RBMX: variants seen among roughly 807,000 people sequenced by gnomAD.
RBMX encodes RNA binding motif protein X-linked.
A neutral mutation model predicts 29.3 loss-of-function variants in RBMX; 1 was observed. The observed-to-expected ratio is 0.03, with a 90% CI of 0.01 to 0.16. RBMX has a LOEUF of 0.16. RBMX is among the 10% of genes least tolerant of loss of function. RBMX has a pLI of 1.00. For missense variants in RBMX, 121 were observed against 333.2 expected, an observed-to-expected ratio of 0.36 and a Z score of 4.96; for synonymous variants, 102 against 102.3, an observed-to-expected ratio of 1.00 and a Z score of 0.02.
rs1840081719 is a variant in RBMX, at chrX:136,873,681, T to C, written c.*461A>G. On this transcript the variant is annotated 3_prime_UTR_variant, in exon 9 of 9. Coordinates refer to ENST00000320676, the MANE Select transcript of RBMX (RefSeq NM_002139.4). ...TTTCAGGTTTTTCGTACTGAGAACA[T>C]TGAGATTTCAGTTGGAAGACACCCT... 10 of 759,576 alleles carry C rather than the reference T, an allele frequency of 1.3e-5. No homozygotes were observed. Among genetic ancestry groups the C allele is most frequent in the Non-Finnish European group, 1.6e-5 (10 of 641,885 alleles). The allele number at this position is 759,576 out of a possible 1,213,427, so 62.6% of individuals were successfully genotyped here. A position where few individuals can be genotyped will look rare whatever the true frequency, so the allele number is the denominator to read the frequency against.
At chrX:136,876,934 G>A (rs896569048) in intron 4 of RBMX, among the ~76,000 whole-genome samples, 2 of 105,106 alleles carry the variant, frequency 1.9e-5, no homozygotes, top group Non-Finnish European at 3.9e-5. Context: ...GGCTGGTCTC[G>A]AACTCCTGAC....
Position 136,877,947 on chromosome X carries a change from G to C in RBMX, c.356C>G (p.Thr119Ser), listed in dbSNP as rs1350512844. The change falls in exon 4 of 9, where the codon ACC becomes AGC. Residue 119 changes from threonine to serine, a missense_variant. Around this residue, in one of 2 missense-constraint regions of RBMX, gnomAD observed 114 missense variants for 260.0 expected, o/e 0.44. Transcript: ENST00000320676. ...LRGGRGGSGG[T>S]RGPPSRGGHM... ...TCCTCCCCGTGAGGGAGGTCCCCTG[G>C]TTCCTCCACTTCCTCCTCTTCCACC... is the stretch of plus-strand genomic sequence containing the variant. 1 of 1,207,776 alleles carries C rather than the reference G, an allele frequency of 8.3e-7. No individual in the cohort carries two copies. The highest frequency in any genetic ancestry group is 1.1e-6 in the Non-Finnish European group (1 of 893,345).
At position 136,875,434 on chromosome X, in the gene RBMX, T is replaced by C. The variant is rs377315648; in HGVS notation, c.656+37A>G. On this transcript the variant is annotated intron_variant, in intron 6 of 8. Transcript: ENST00000320676. ...GCTTTTGATAAGCTTTCCTTCAACCTTAATTATTAATTTAAAAAGCTGCAC... is the reference window on the plus strand; with the variant it reads ...GCTTTTGATAAGCTTTCCTTCAACCCTAATTATTAATTTAAAAAGCTGCAC... The C allele has an allele frequency of 5.8e-6, 7 of 1,204,901 alleles. No individual in the cohort carries two copies. The African/African-American group carries it at 1.2e-4, about 21-fold the overall frequency.
downstream of RBMX, among the ~76,000 whole-genome samples, chrX:136,870,839 G>C (rs1370771859): frequency 9.2e-6 from 1 of 108,354 alleles, no homozygotes; most frequent in Non-Finnish European, 1.9e-5. Flanking sequence ...GCATGCAGTG[G>C]CTCACGTCTA....
At position 136,876,349 on chromosome X, in the gene RBMX, CTT is replaced by C. The variant is rs777549940; in HGVS notation, c.541+152_541+153del. Among the ~76,000 whole-genome samples, 13 of 110,530 alleles carry C rather than the reference CTT, an allele frequency of 1.2e-4. No individual in the cohort carries two copies. The East Asian group carries it at 2.0e-3, about 17-fold the overall frequency. The stretch of plus-strand genomic sequence containing the variant: ...ACATTGGCCAGGATGGTCTTGATCT[CTT>C]GACACCGTGATCCGTCTGCCGCGGC... On this transcript the variant is annotated intron_variant, in intron 5 of 8. Coordinates refer to ENST00000320676, the MANE Select transcript of RBMX (RefSeq NM_002139.4).
At chrX:136,876,420 C>A (rs1172109540) in intron 5 of RBMX, 83 bp downstream of exon 5, 2 of 1,044,701 alleles carry the variant, frequency 1.9e-6, no homozygotes, top group East Asian at 3.3e-5. Context: ...CCACGCCTGG[C>A]CAATTAAAAT....
rs745467878 is a variant in RBMX, at chrX:136,879,453, T to TCTG, written c.-26-3_-26-1dup. ...GTTTTTTTTTTTTTGGGCCGGTGAG[T>TCTG]CTGTTGAAAAGGAATAGTATTACCT... On this transcript the variant is annotated splice_region_variant and 5_prime_UTR_variant. Coordinates refer to ENST00000320676, the MANE Select transcript of RBMX (RefSeq NM_002139.4). 9.1e-7 allele frequency: 1 copy of TCTG among 1,101,359 alleles called. No individual in the cohort carries two copies. Among genetic ancestry groups the TCTG allele is most frequent in the Non-Finnish European group, 1.2e-6 (1 of 803,072 alleles). 90.8% of individuals were successfully genotyped at this position (1,101,359 alleles called of 1,213,427 possible).
At chrX:136,875,651 C>G (rs748112155) in intron 5 of RBMX, 66 bp from the exon 6 acceptor site, 1 of 1,153,509 alleles carries the variant, frequency 8.7e-7, no homozygotes, top group African/African-American at 1.8e-5. Flanking sequence ...AACTTACATT[C>G]AGGCTATGAA....
rs2077754789 is a variant in RBMX at position 136,878,167 on chromosome X, T to C, written c.217-81A>G. On this transcript the variant is annotated intron_variant, in intron 3 of 8. Coordinates refer to ENST00000320676, the MANE Select transcript of RBMX (RefSeq NM_002139.4). The stretch of plus-strand genomic sequence containing the variant: ...TACTATGCACTAAGACACTAACTGG[T>C]CCTTCAAAATGCAGTTATGGGTAAG... 19 of 854,363 alleles carry C rather than the reference T, an allele frequency of 2.2e-5. No individual in the cohort carries two copies. In the South Asian group the frequency reaches 6.1e-4, roughly 27 times the overall value. 70.4% of individuals were successfully genotyped at this position (854,363 alleles called of 1,213,427 possible).
downstream of RBMX, chrX:136,873,315 G>T: frequency 3.4e-6 from 1 of 291,569 alleles, no homozygotes; most frequent in Non-Finnish European, 4.6e-6. Context: ...TCACTTTTTA[G>T]AAGTCATAAG....
At chrX:136,874,839 G>A (rs2077711303) in intron 8 of RBMX, 2 of 458,502 alleles carry the variant, frequency 4.4e-6, no homozygotes, top group South Asian at 7.2e-5. Flanking sequence ...ACTGTTGGGG[G>A]AAAACACATA....
chrX:136,872,361 A>G, downstream of RBMX: 1 of 1,153,249 alleles, frequency 8.7e-7, no homozygotes, highest in South Asian at 1.9e-5. Context: ...AAAGTTAAAT[A>G]AATGAAAACT....
intron 3 of RBMX, 72 bp from the exon 4 acceptor site, chrX:136,878,158 A>G: frequency 2.2e-6 from 2 of 907,144 alleles, no homozygotes; most frequent in Non-Finnish European, 3.0e-6. Flanking sequence ...GCACTAAGAC[A>G]CTAACTGGTC....
At chrX:136,873,114 C>T (rs1603365929), downstream of RBMX, 1 of 107,341 alleles carries the variant, frequency 9.3e-6, no homozygotes, top group Non-Finnish European at 1.9e-5. Context: ...TTGAATATTT[C>T]TTTTTTCCAA....
rs1332389847 is a variant in RBMX, at chrX:136,875,054, G to A, written c.865+32C>T. 6 of 1,203,686 alleles carry A rather than the reference G, an allele frequency of 5.0e-6. No individual in the cohort carries two copies. The African/African-American group carries it at 7.0e-5, about 14-fold the overall frequency. On this transcript the variant is annotated intron_variant, in intron 8 of 8. Coordinates refer to ENST00000320676, the MANE Select transcript of RBMX (RefSeq NM_002139.4). ...CTCACGAACCTAAAAACTCAAGCTGGTGATACTAAAGACCCTTAACCAGTA... is the reference window on the plus strand; with the variant it reads ...CTCACGAACCTAAAAACTCAAGCTGATGATACTAAAGACCCTTAACCAGTA...
In RBMX at chrX:136,875,498, C is replaced by T; in HGVS notation, c.629G>A (p.Arg210Lys). 1 of 1,211,865 alleles carries T rather than the reference C, an allele frequency of 8.3e-7. No individual in the cohort carries two copies. Among genetic ancestry groups the T allele is most frequent in the Non-Finnish European group, 1.1e-6 (1 of 895,597 alleles). Residue 210 changes from arginine to lysine, a missense_variant, in exon 6 of 9, where the codon AGA becomes AAA. Physicochemically the swap from Arg to Lys is conservative, Grantham distance 26. Coordinates refer to ENST00000320676, the MANE Select transcript of RBMX (RefSeq NM_002139.4). ...PSRRDVYLSP[R>K]DDGYSTKDSY... ...GTCTTTAGTAGAATACCCATCATCTCTTGGGGACAAATAAACATCTCTACG... is the reference window on the plus strand; with the variant it reads ...GTCTTTAGTAGAATACCCATCATCTTTTGGGGACAAATAAACATCTCTACG...
chrX:136,871,929 A>G (rs1357790937), downstream of RBMX, among the ~76,000 whole-genome samples: 2 of 109,996 alleles, frequency 1.8e-5, no homozygotes, highest in Non-Finnish European at 1.9e-5. Flanking sequence ...CTGGGATTAA[A>G]GGCACGAGCC....
chrX:136,879,576 C>T, intron 1 of RBMX, 123 bp from the exon 2 acceptor site: 1 of 595,979 alleles, frequency 1.7e-6, no homozygotes, highest in Non-Finnish European at 2.6e-6. Context: ...CTAAAGAAAA[C>T]GATAACGAGC....
At chrX:136,872,972 T>C (rs1341559822), downstream of RBMX, 3 of 106,585 alleles carry the variant, frequency 2.8e-5, no homozygotes, top group Non-Finnish European at 5.8e-5. Flanking sequence ...TTGAAAAAAA[T>C]ACCCCCTCCC....
Sources: allele counts gnomAD v4.1 joint callset (sites outside exome capture counted in the v4.1 genomes callset), GRCh38; gene constraint gnomAD v4.1.1; regional missense constraint gnomAD v4.1.1; transcripts MANE v1.5; gene names NCBI Gene and HGNC (gene_info 2026-07-23, HGNC 2026-07-21).